MBP: variants seen among roughly 807,000 people sequenced by gnomAD.
MBP encodes the protein myelin basic protein, also known as Golli-MBP.
A neutral mutation model predicts 35.8 loss-of-function variants in MBP; 16 were observed. That is an observed-to-expected ratio of 0.45 (90% CI 0.30 to 0.68). The LOEUF (loss-of-function observed/expected upper bound fraction) is 0.68, where lower values mean the gene tolerates loss of function less well. Among genes scored for constraint, MBP ranks in the 30% least tolerant of loss-of-function variants. MBP has a pLI of 0.08. For missense variants in MBP, 380 were observed against 404.7 expected (o/e 0.94, Z 0.52); for synonymous variants, 143 against 159.6 (o/e 0.90, Z 0.78).
chr18:76,997,012 GGGCTCCTACT>G (rs1970307431), intron 4 of MBP, among the ~76,000 whole-genome samples: 1 of 152,098 alleles, frequency 6.6e-6, no homozygotes, highest in South Asian at 2.1e-4. Flanking sequence ...TTCCGCCTCG[GGGCTCCTACT>G]GCCTCCCCGA....
At chr18:76,995,013 C>T (rs1392343693) in intron 4 of MBP, among the ~76,000 whole-genome samples, 1 of 152,088 alleles carries the variant, frequency 6.6e-6, no homozygotes, top group Non-Finnish European at 1.5e-5. Flanking sequence ...TTGTAATGAC[C>T]TATCACTAAA....
intron 7 of MBP, chr18:76,986,741 C>T (rs1969579907): frequency 2.0e-6 from 2 of 985,360 alleles, no homozygotes; most frequent in African/African-American, 3.5e-5. Context: ...AAAGCCACTT[C>T]CCTGCAAGCG....
At chr18:77,085,783 C>T (rs1303225856) in intron 2 of MBP, among the ~76,000 whole-genome samples, 1 of 149,038 alleles carries the variant, frequency 6.7e-6, no homozygotes, top group Non-Finnish European at 1.5e-5. Context: ...CTCCCGGTTT[C>T]AAGCAATTCT....
At chr18:77,069,260 A>T (rs558849309) in intron 2 of MBP, among the ~76,000 whole-genome samples, 1 of 152,278 alleles carries the variant, frequency 6.6e-6, no homozygotes. Context: ...GGCTATGTAC[A>T]CTTTTCATAT....
At chr18:77,036,651 C>CTG (rs1342930655) in intron 3 of MBP, among the ~76,000 whole-genome samples, 5 of 80,380 alleles carry the variant, frequency 6.2e-5, no homozygotes, top group Non-Finnish European at 1.3e-4. Context: ...ATTTTGGAGA[C>CTG]AGCTGAGCAA....
intron 7 of MBP, chr18:76,986,058 G>C (rs1969541396): frequency 1.0e-6 from 1 of 985,638 alleles, no homozygotes; most frequent in Non-Finnish European, 1.2e-6. Flanking sequence ...GGAGCTCGCT[G>C]TGGGAGTCTG....
At chr18:77,028,673 T>TGA (rs1972363366) in intron 3 of MBP, among the ~76,000 whole-genome samples, 1 of 80,822 alleles carries the variant, frequency 1.2e-5, no homozygotes, top group Non-Finnish European at 3.1e-5. Context: ...GCAGAGGGGC[T>TGA]CCTCACTTCC....
In MBP at chr18:77,105,165, A is replaced by G. The variant is rs1428702259; in HGVS notation, c.51+46T>C. 2.5e-6 allele frequency: 4 copies of G among 1,596,046 alleles called. No homozygotes were observed. The Admixed American group carries it at 6.7e-5, about 27-fold the overall frequency. Reference sequence around the variant, plus strand: ...TGACACACCAAGGGGATTTGTGTTTAATAAGAAAACAACATGCACATGTTT... The same window carrying G: ...TGACACACCAAGGGGATTTGTGTTTGATAAGAAAACAACATGCACATGTTT... On this transcript the variant is annotated intron_variant, in intron 2 of 8. Transcript: ENST00000355994.
In MBP at chr18:77,017,076, G is replaced by A. The variant is rs778137473; in HGVS notation, c.332C>T (p.Pro111Leu). Reference sequence around the variant, plus strand: ...GGTCTGGAGCTCGTCGGACTCAGAGGGCCTGTCTTTGAAGGTGTTGTCCTC... The same window carrying A: ...GGTCTGGAGCTCGTCGGACTCAGAGAGCCTGTCTTTGAAGGTGTTGTCCTC... ...GREDNTFKDRPSESDELQTIQ... is the reference protein window; with the variant it reads ...GREDNTFKDRLSESDELQTIQ... The change falls in exon 4 of 9, where the codon CCC (proline) becomes CTC (leucine). Residue 111 changes from proline (P) to leucine (L), a missense_variant. Transcript: ENST00000355994. 44 of 1,611,252 alleles carry A rather than the reference G, an allele frequency of 2.7e-5. No individual in the cohort carries two copies. Among genetic ancestry groups the A allele is most frequent in the Non-Finnish European group, 3.4e-5 (40 of 1,177,800 alleles).
intron 3 of MBP, among the ~76,000 whole-genome samples, chr18:77,059,578 A>G (rs1209176293): frequency 2.6e-5 from 4 of 152,016 alleles, no homozygotes; most frequent in African/African-American, 9.6e-5. Flanking sequence ...CAAATTTGAC[A>G]TATGTGTAAC....
At chr18:77,125,748 T>C (rs912645594) in intron 1 of MBP, among the ~76,000 whole-genome samples, 1 of 152,166 alleles carries the variant, frequency 6.6e-6, no homozygotes, top group African/African-American at 2.4e-5. Flanking sequence ...TCCCTCCTTT[T>C]TTTTTGTATC....
At chr18:76,999,169 G>A (rs1843020814) in intron 4 of MBP, among the ~76,000 whole-genome samples, 1 of 152,104 alleles carries the variant, frequency 6.6e-6, no homozygotes, top group Non-Finnish European at 1.5e-5. Context: ...GAGGAGGTGA[G>A]GGGAGGACGC....
At chr18:76,992,384 G>A (rs1969983093) in intron 4 of MBP, among the ~76,000 whole-genome samples, 1 of 152,158 alleles carries the variant, frequency 6.6e-6, no homozygotes, top group Non-Finnish European at 1.5e-5. Context: ...GAGCTCAGGA[G>A]ATAATCTCAC....
At chr18:76,997,924 C>T (rs1192445827) in intron 4 of MBP, among the ~76,000 whole-genome samples, 1 of 152,038 alleles carries the variant, frequency 6.6e-6, no homozygotes, top group South Asian at 2.1e-4. Flanking sequence ...CCTCGTGATC[C>T]GCCCGCCTCG....
chr18:77,080,328 G>A (rs1412231651), intron 2 of MBP, among the ~76,000 whole-genome samples: 1 of 152,290 alleles, frequency 6.6e-6, no homozygotes, highest in African/African-American at 2.4e-5. Context: ...TGCAGAATCA[G>A]AACAGGATGC....
intron 2 of MBP, chr18:77,068,947 G>C: frequency 2.2e-6 from 1 of 462,456 alleles, no homozygotes; most frequent in Non-Finnish European, 4.3e-6. Context: ...TGAGCCTTGG[G>C]GGCCTCACCT....
chr18:77,036,688 G>A (rs1262593579), intron 3 of MBP, among the ~76,000 whole-genome samples: 2 of 148,798 alleles, frequency 1.3e-5, no homozygotes, highest in African/African-American at 5.0e-5. Flanking sequence ...AGAGGACTGA[G>A]CTGAGCAAGT....
chr18:77,132,373 T>TGCG lies in MBP; in HGVS notation c.-26+206_-26+207insCGC, dbSNP rs1568355696. On this transcript the variant is annotated intron_variant, in intron 1 of 8. Coordinates refer to ENST00000355994, the MANE Select transcript of MBP (RefSeq NM_001025101.2). ...GGCTGCTACCTGCTCGGCCACCTGC[T>TGCG]CCGCTGCCTAGGTTCTCCCTGCGCG... 1.1e-3 allele frequency among the ~76,000 whole-genome samples: 172 copies of TGCG among 152,254 alleles called. 1 individual carries two copies. The highest frequency in any genetic ancestry group is 3.9e-3 in the African/African-American group (163 of 41,554).
chr18:77,038,167 G>A lies in MBP; in HGVS notation c.140-20899C>T, dbSNP rs147529459. On this transcript the variant is annotated intron_variant, in intron 3 of 8. Transcript: ENST00000355994. Reference sequence around the variant, plus strand: ...GACGAATCACATCCACATGCGAGCCGCATAGAAATTAAGAATTTGTGCCAG... The same window carrying A: ...GACGAATCACATCCACATGCGAGCCACATAGAAATTAAGAATTTGTGCCAG... Among the ~76,000 whole-genome samples the A allele has an allele frequency of 8.3e-4, 127 of 152,344 alleles. 2 individuals are homozygous for A. The South Asian group carries it at 0.017, about 20-fold the overall frequency.
Sources: allele counts gnomAD v4.1 joint callset (sites outside exome capture counted in the v4.1 genomes callset), GRCh38; gene constraint gnomAD v4.1.1; transcripts MANE v1.5; gene names NCBI Gene and HGNC (gene_info 2026-07-23, HGNC 2026-07-21).